Variants in ATP5F1A observed in about 807,000 individuals in gnomAD.
The protein encoded by ATP5F1A is ATP synthase F(1) complex subunit alpha, mitochondrial.
Under a neutral mutation model 57.4 loss-of-function variants are expected in ATP5F1A, and 24 were observed. That is an observed-to-expected ratio of 0.42 (90% CI 0.30 to 0.59). ATP5F1A has a LOEUF of 0.59. Among genes scored for constraint, ATP5F1A ranks in the 20% least tolerant of loss-of-function variants. ATP5F1A has a pLI of 0.19. For synonymous variants in ATP5F1A, 251 were observed against 255.5 expected (o/e 0.98, Z 0.17); for missense variants, 494 against 707.9 (o/e 0.70, Z 3.43).
In ATP5F1A at chr18:46,091,883, A is replaced by T. The variant is rs776260803; in HGVS notation, c.140-32T>A. ...AAGACAATTCAATTCAATTAAAAAA[A>T]TAATCTGGGCCAGGCACAGTGGCTC... is the stretch of plus-strand genomic sequence containing the variant. On this transcript the variant is annotated intron_variant, in intron 2 of 11. Transcript: ENST00000398752. 6 of 1,593,278 alleles carry T rather than the reference A, an allele frequency of 3.8e-6. No individual in the cohort carries two copies. The South Asian group carries it at 6.8e-5, about 18-fold the overall frequency.
intron 3 of ATP5F1A, 97 bp from the exon 4 acceptor site, chr18:46,090,093 G>GGGGGGGGGGGCC: frequency 9.7e-6 from 4 of 414,288 alleles, no homozygotes; most frequent in Non-Finnish European, 1.7e-5. Flanking sequence ...GGTGGGGGGG[G>GGGGGGGGGGGCC]AAGCAGTATT....
Position 46,089,660 on chromosome 18 carries a change from G to A in ATP5F1A, c.556C>T (p.Arg186Trp), listed in dbSNP as rs761882890. 28 of 1,614,012 alleles carry A rather than the reference G, an allele frequency of 1.7e-5. No homozygotes were observed. Among genetic ancestry groups the A allele is most frequent in the Admixed American group, 6.7e-5 (4 of 60,018 alleles). Residue 186 changes from arginine to tryptophan, a missense_variant, in exon 5 of 12, where the codon CGG becomes TGG. This residue lies in a region of ATP5F1A where 191 missense variants were observed against 267.7 expected (regional missense o/e 0.71). Coordinates refer to ENST00000398752, the MANE Select transcript of ATP5F1A (RefSeq NM_004046.6). ...TTAATGCCAGTCTGCATTGGTTCCC[G>A]CACTGAAATTCGAGGAATGATACCG... Reference protein sequence around the residue: ...APGIIPRISVREPMQTGIKAV... With the variant: ...APGIIPRISVWEPMQTGIKAV...
At chr18:46,097,824 G>C (rs187365158) in intron 1 of ATP5F1A, 2 of 1,104,814 alleles carry the variant, frequency 1.8e-6, no homozygotes, top group African/African-American at 1.6e-5. Context: ...AATCGAAAGA[G>C]AGGAACCTCA....
At chr18:46,084,805 T>G (rs948364506) in intron 10 of ATP5F1A, 151 bp from the exon 11 acceptor site, 24 of 758,402 alleles carry the variant, frequency 3.2e-5, no homozygotes, top group Non-Finnish European at 4.5e-5. Context: ...GAACTCCACT[T>G]AATAATCCTT....
intron 10 of ATP5F1A, chr18:46,085,645 T>C (rs538454464): frequency 1.5e-3 from 235 of 159,826 alleles, no homozygotes; most frequent in African/African-American, 5.2e-3. Flanking sequence ...AAAAACAGAA[T>C]ACAGGGCCGG....
At position 46,081,311 on chromosome 18, in the gene ATP5F1A, T is replaced by G. The variant is rs986129418; in HGVS notation, c.*2971A>C. ...ACAATACATACTCCCAGTAATAAAT[T>G]AATTCCAATCCATTAGCCAAAGTAT... On this transcript the variant is annotated 3_prime_UTR_variant, in exon 12 of 12. Transcript: ENST00000398752. The G allele has an allele frequency of 2.0e-5, 3 of 150,790 alleles. No homozygotes were observed. The highest frequency in any genetic ancestry group is 7.3e-5 in the African/African-American group (3 of 40,926). The allele number at this position is 150,790 out of a possible 1,614,324, so 9.3% of individuals were successfully genotyped here. A position where few individuals can be genotyped will look rare whatever the true frequency, so the allele number is the denominator to read the frequency against.
upstream of ATP5F1A, chr18:46,098,423 A>C: frequency 7.6e-7 from 1 of 1,323,074 alleles, no homozygotes; most frequent in Non-Finnish European, 9.6e-7. Flanking sequence ...TTATTTTTTT[A>C]TGTAACATTT....
intron 1 of ATP5F1A, among the ~76,000 whole-genome samples, chr18:46,096,056 T>C (rs1338136821): frequency 6.6e-6 from 1 of 151,904 alleles, no homozygotes; most frequent in Non-Finnish European, 1.5e-5. Context: ...GCCCGGCTAA[T>C]TTTTTTATTT....
At chr18:46,091,583 A>C in intron 3 of ATP5F1A, 99 bp downstream of exon 3, 4 of 1,300,116 alleles carry the variant, frequency 3.1e-6, no homozygotes, top group Non-Finnish European at 4.1e-6. Flanking sequence ...GCAAATTAAG[A>C]CAAAGTTTTT....
At chr18:46,098,626 TC>T (rs1911160678), upstream of ATP5F1A, among the ~76,000 whole-genome samples, 1 of 151,682 alleles carries the variant, frequency 6.6e-6, no homozygotes, top group Non-Finnish European at 1.5e-5. Flanking sequence ...CCGTCTGGGG[TC>T]GCGGCTGTCT....
chr18:46,095,606 G>T (rs116148212), intron 1 of ATP5F1A, among the ~76,000 whole-genome samples: 2,003 of 151,480 alleles, frequency 0.013, 47 homozygotes, highest in African/African-American at 0.045. Context: ...CGTGAGCACC[G>T]CACCCGGCTT....
Position 46,086,460 on chromosome 18 carries a change from A to C in ATP5F1A, c.1211T>G (p.Ile404Ser). ...CAGACCAACGTTAATTGCAGGGCGG[A>C]TACCTTTGTAGAACAATTCTGTTTC... ...FLETELFYKG[I>S]RPAINVGLSV... Residue 404 changes from isoleucine to serine, a missense_variant, in exon 9 of 12, where the codon ATC becomes AGC. By Grantham distance (142) the Ile-to-Ser change is moderately radical (BLOSUM62 -2). Transcript: ENST00000398752. 6.2e-7 allele frequency: 1 copy of C among 1,614,194 alleles called. No individual in the cohort carries two copies. The highest frequency in any genetic ancestry group is 8.5e-7 in the Non-Finnish European group (1 of 1,180,028).
intron 8 of ATP5F1A, 35 bp from the exon 9 acceptor site, chr18:46,086,529 T>A: frequency 6.4e-7 from 1 of 1,570,226 alleles, no homozygotes; most frequent in Non-Finnish European, 8.7e-7. Flanking sequence ...CTAGCAAGCT[T>A]AAAGTAAGAA....
At chr18:46,085,908 A>C in intron 10 of ATP5F1A, 27 of 582,964 alleles carry the variant, frequency 4.6e-5, no homozygotes, top group East Asian at 9.5e-5. Flanking sequence ...ACTTCAGCCT[A>C]GGCCGTAAGA....
intron 1 of ATP5F1A, among the ~76,000 whole-genome samples, chr18:46,096,557 G>C (rs7244950): frequency 0.38 from 56,568 of 148,130 alleles, 11,278 homozygotes; most frequent in Middle Eastern, 0.54. Flanking sequence ...CCCTTTAAAG[G>C]TACCCAATTT....
rs754587827 is a variant in ATP5F1A, at chr18:46,095,157, T to G, written c.61-26A>C. ...CTAGTGCAAAAGTATTCTTAAAAAT[T>G]TGATTTTTAACAAAGCCTTTATAAA... On this transcript the variant is annotated intron_variant, in intron 1 of 11. Transcript: ENST00000398752. The G allele has an allele frequency of 6.8e-6, 11 of 1,606,278 alleles. No individual in the cohort carries two copies. In the Admixed American group the frequency reaches 1.0e-4, roughly 15 times the overall value.
At position 46,084,104 on chromosome 18, in the gene ATP5F1A, T is replaced by A; in HGVS notation, c.*178A>T. On this transcript the variant is annotated 3_prime_UTR_variant, in exon 12 of 12. Coordinates refer to ENST00000398752, the MANE Select transcript of ATP5F1A (RefSeq NM_004046.6). ...AGCATTTGCTTACCAATTTCTCAAT[T>A]TGATCTTGGTTTTAAAGAATAACAC... 3 of 516,502 alleles carry A rather than the reference T, an allele frequency of 5.8e-6. No individual in the cohort carries two copies. Among genetic ancestry groups the A allele is most frequent in the Non-Finnish European group, 9.9e-6 (3 of 303,900 alleles). The allele number at this position is 516,502 out of a possible 1,614,324, so 32.0% of individuals were successfully genotyped here.
rs761882890 is a variant in ATP5F1A at position 46,089,660 on chromosome 18, G to C, written c.556C>G (p.Arg186Gly). ...TTAATGCCAGTCTGCATTGGTTCCC[G>C]CACTGAAATTCGAGGAATGATACCG... Reference protein sequence around the residue: ...APGIIPRISVREPMQTGIKAV... With the variant: ...APGIIPRISVGEPMQTGIKAV... The change falls in exon 5 of 12, where the codon CGG (arginine) becomes GGG (glycine). Residue 186 changes from arginine (R) to glycine (G), a missense_variant. Physicochemically the swap from Arg to Gly is moderately radical, Grantham distance 125. Around this residue, in one of 6 missense-constraint regions of ATP5F1A, gnomAD observed 191 missense variants for 267.7 expected, o/e 0.71. Transcript: ENST00000398752. 1.9e-6 allele frequency: 3 copies of C among 1,614,012 alleles called. No individual in the cohort carries two copies. Among genetic ancestry groups the C allele is most frequent in the Non-Finnish European group, 2.5e-6 (3 of 1,179,896 alleles).
At chr18:46,090,063 A>C in intron 3 of ATP5F1A, 67 bp from the exon 4 acceptor site, 2 of 665,068 alleles carry the variant, frequency 3.0e-6, no homozygotes, top group Non-Finnish European at 4.1e-6. Flanking sequence ...CACCAATACT[A>C]CATAAGAAAA....
Sources: allele counts gnomAD v4.1 joint callset (sites outside exome capture counted in the v4.1 genomes callset), GRCh38; gene constraint gnomAD v4.1.1; regional missense constraint gnomAD v4.1.1; transcripts MANE v1.5; gene names NCBI Gene and HGNC (gene_info 2026-07-23, HGNC 2026-07-21).